The following ANKRD12 variants were observed in gnomAD, a reference collection of about 807,000 sequenced individuals.
ANKRD12 encodes the protein ankyrin repeat domain 12, also known as ankyrin repeat domain-containing protein 12.
A neutral mutation model predicts 183.4 loss-of-function variants in ANKRD12; 85 were observed. The observed-to-expected ratio is 0.46, with a 90% CI of 0.39 to 0.56. The LOEUF (loss-of-function observed/expected upper bound fraction) is 0.56, where lower values mean the gene tolerates loss of function less well. ANKRD12 is among the 20% of genes least tolerant of loss of function. ANKRD12 has a pLI of 0.00. For missense variants in ANKRD12, 2,405 were observed against 2,357.1 expected, an observed-to-expected ratio of 1.02 and a Z score of -0.42; for synonymous variants, 914 against 800.2, an observed-to-expected ratio of 1.14 and a Z score of -2.40.
chr18:9,166,181 A>T (rs2032043124), intron 1 of ANKRD12, among the ~76,000 whole-genome samples: 1 of 152,164 alleles, frequency 6.6e-6, no homozygotes, highest in South Asian at 2.1e-4. Flanking sequence ...CAATAAACAT[A>T]CGTGTGCATG....
rs142198690 is a variant in ANKRD12 at position 9,244,196 on chromosome 18, G to A, written c.944-10015G>A. Among the ~76,000 whole-genome samples the A allele has an allele frequency of 6.9e-3, 1,052 of 152,174 alleles. 22 individuals carry two copies. The highest frequency in any genetic ancestry group is 0.024 in the African/African-American group (994 of 41,534). Reference sequence around the variant, plus strand: ...GAAAGACTTACTTTTAGATCAAAGGGAATTATTTTAAACCTAGAATGCTAT... The same window carrying A: ...GAAAGACTTACTTTTAGATCAAAGGAAATTATTTTAAACCTAGAATGCTAT... On this transcript the variant is annotated intron_variant, in intron 8 of 12. Transcript: ENST00000262126.
intron 1 of ANKRD12, chr18:9,137,417 C>G (rs1456867518): frequency 6.8e-6 from 1 of 146,310 alleles, no homozygotes; most frequent in African/African-American, 2.4e-5. Context: ...GCCGGAGGAG[C>G]GTGTGCGTGC....
At position 9,284,406 on chromosome 18, in the gene ANKRD12, C is replaced by T. The variant is rs931612866; in HGVS notation, c.*3280C>T. The T allele has an allele frequency of 2.2e-4, 34 of 152,184 alleles. No homozygotes were observed. The highest frequency in any genetic ancestry group is 3.4e-3 in the Middle Eastern group (1 of 294). The allele number at this position is 152,184 out of a possible 1,614,324, so 9.4% of individuals were successfully genotyped here. On this transcript the variant is annotated 3_prime_UTR_variant, in exon 13 of 13. Coordinates refer to ENST00000262126, the MANE Select transcript of ANKRD12 (RefSeq NM_015208.5). ...AGTTTTCCAAAAAGAAAATTATTGTCTCTGATATCTTAAAACATAAAAACC... is the reference window on the plus strand; with the variant it reads ...AGTTTTCCAAAAAGAAAATTATTGTTTCTGATATCTTAAAACATAAAAACC...
At chr18:9,238,669 A>G (rs146873098) in intron 8 of ANKRD12, among the ~76,000 whole-genome samples, 1 of 152,368 alleles carries the variant, frequency 6.6e-6, no homozygotes, top group Non-Finnish European at 1.5e-5. Context: ...AAAATGGAGA[A>G]AACATAAAAC....
At chr18:9,271,235 C>A (rs1252242699) in intron 10 of ANKRD12, among the ~76,000 whole-genome samples, 1 of 152,090 alleles carries the variant, frequency 6.6e-6, no homozygotes, top group African/African-American at 2.4e-5. Flanking sequence ...CTACACCCAG[C>A]TAATTTTTTA....
intron 10 of ANKRD12, among the ~76,000 whole-genome samples, chr18:9,266,495 A>C (rs1266027029): frequency 6.6e-6 from 1 of 152,228 alleles, no homozygotes; most frequent in Non-Finnish European, 1.5e-5. Context: ...TTCAACCCAG[A>C]ATTTCATATC....
chr18:9,230,024 G>A (rs2036951007), intron 8 of ANKRD12, among the ~76,000 whole-genome samples: 1 of 152,134 alleles, frequency 6.6e-6, no homozygotes, highest in African/African-American at 2.4e-5. Flanking sequence ...ATTTTTTGGA[G>A]TAGTTGCAAG....
chr18:9,282,947 A>G lies in ANKRD12; in HGVS notation c.*1821A>G, dbSNP rs1480104375. 1.3e-5 allele frequency: 2 copies of G among 152,424 alleles called. No homozygotes were observed. The highest frequency in any genetic ancestry group is 2.9e-5 in the Non-Finnish European group (2 of 67,978). The allele number at this position is 152,424 out of a possible 1,614,324, so 9.4% of individuals were successfully genotyped here. The stretch of plus-strand genomic sequence containing the variant: ...TAGGTGAGAGATTTTGGCCTTTTTT[A>G]TTGGATAAATTGGGCCAGAAAGGCA... On this transcript the variant is annotated 3_prime_UTR_variant, in exon 13 of 13. Transcript: ENST00000262126.
chr18:9,259,024 T>C (rs2038804786), intron 9 of ANKRD12, 93 bp downstream of exon 9: 28 of 1,393,486 alleles, frequency 2.0e-5, no homozygotes, highest in Non-Finnish European at 2.3e-5. Context: ...TTCTAGTAGA[T>C]AGATAATTTC....
chr18:9,212,776 T>C (rs1437557626), intron 6 of ANKRD12, among the ~76,000 whole-genome samples: 2 of 152,038 alleles, frequency 1.3e-5, no homozygotes, highest in South Asian at 2.1e-4. Context: ...CTGGATATTA[T>C]CAACTTTTAA....
At chr18:9,200,082 G>A (rs961990863) in intron 3 of ANKRD12, among the ~76,000 whole-genome samples, 3 of 152,184 alleles carry the variant, frequency 2.0e-5, no homozygotes, top group African/African-American at 7.2e-5. Context: ...CTGAATGAGA[G>A]ATTCCTAGCC....
chr18:9,143,213 A>G (rs565958615), intron 1 of ANKRD12, among the ~76,000 whole-genome samples: 1 of 152,264 alleles, frequency 6.6e-6, no homozygotes, highest in East Asian at 1.9e-4. Context: ...TTAAGAAAAC[A>G]CTTCAAAAAG....
At chr18:9,167,258 T>G (rs2143896080) in intron 1 of ANKRD12, among the ~76,000 whole-genome samples, 1 of 152,266 alleles carries the variant, frequency 6.6e-6, no homozygotes, top group African/African-American at 2.4e-5. Context: ...GTGAAGAAAG[T>G]CATTGGTAGC....
chr18:9,181,365 T>C (rs2033687876), intron 1 of ANKRD12, among the ~76,000 whole-genome samples: 1 of 152,196 alleles, frequency 6.6e-6, no homozygotes. Context: ...GTTCAAGGTG[T>C]CTGAGTTTTA....
chr18:9,236,939 G>A (rs1567949976), intron 8 of ANKRD12, among the ~76,000 whole-genome samples: 3 of 152,108 alleles, frequency 2.0e-5, no homozygotes, highest in African/African-American at 7.2e-5. Flanking sequence ...ACTACTGAGA[G>A]AAAAGAACTG....
At chr18:9,267,460 A>C (rs1201180659) in intron 10 of ANKRD12, among the ~76,000 whole-genome samples, 1 of 152,204 alleles carries the variant, frequency 6.6e-6, no homozygotes, top group Non-Finnish European at 1.5e-5. Context: ...ACTCAGGATT[A>C]AGAAACTCAC....
At chr18:9,230,121 C>T (rs2144851913) in intron 8 of ANKRD12, among the ~76,000 whole-genome samples, 1 of 152,256 alleles carries the variant, frequency 6.6e-6, no homozygotes, top group East Asian at 1.9e-4. Context: ...TGCAGTGAGT[C>T]CATCTGGTCC....
intron 11 of ANKRD12, 38 bp downstream of exon 11, chr18:9,275,705 G>T: frequency 1.4e-6 from 2 of 1,474,386 alleles, no homozygotes; most frequent in South Asian, 2.9e-5. Context: ...GTAATGGTCT[G>T]AAAAAATGCA....
At chr18:9,236,746 T>C (rs1461123981) in intron 8 of ANKRD12, among the ~76,000 whole-genome samples, 1 of 152,200 alleles carries the variant, frequency 6.6e-6, no homozygotes, top group African/African-American at 2.4e-5. Flanking sequence ...AGAAAATTTT[T>C]CTGAGCCGAA....
Sources: allele counts gnomAD v4.1 joint callset (sites outside exome capture counted in the v4.1 genomes callset), GRCh38; gene constraint gnomAD v4.1.1; transcripts MANE v1.5; gene names NCBI Gene and HGNC (gene_info 2026-07-23, HGNC 2026-07-21).